Variants in OR2M3 observed in about 807,000 individuals in gnomAD.
OR2M3 encodes the protein olfactory receptor 2M3.
In OR2M3, 1 loss-of-function variant was observed where a neutral mutation model predicts 4.3. The observed-to-expected ratio is 0.23, with a 90% CI of 0.08 to 1.11. The LOEUF (loss-of-function observed/expected upper bound fraction) is 1.11, where lower values mean the gene tolerates loss of function less well. Ranked by LOEUF, OR2M3 falls within the 50% of genes most tolerant of loss-of-function variation. The pLI, the probability that OR2M3 is intolerant of heterozygous loss-of-function variation, is 0.54. For missense variants in OR2M3, 410 were observed against 390.4 expected (o/e 1.05, Z -0.42); for synonymous variants, 151 against 139.4 (o/e 1.08, Z -0.59).
intron 1 of OR2M3, among the ~76,000 whole-genome samples, chr1:248,201,735 G>T (rs1666160124): frequency 6.6e-6 from 1 of 151,970 alleles, no homozygotes; most frequent in African/African-American, 2.4e-5. Context: ...TGAGAATGAT[G>T]ATTTCCAATT....
In OR2M3 at chr1:248,208,411, A is replaced by G. The variant is rs781526474; in HGVS notation, c.*4405A>G. ...TGTTTTCATTATGTTATTGTTATAT[A>G]GGTCCTGTAATATTTATGCTTTAAG... On this transcript the variant is annotated 3_prime_UTR_variant, in exon 2 of 2. Transcript: ENST00000641626. 8 of 152,144 alleles carry G rather than the reference A, an allele frequency of 5.3e-5. No individual in the cohort carries two copies. The highest frequency in any genetic ancestry group is 1.2e-4 in the Non-Finnish European group (8 of 68,000). The allele number at this position is 152,144 out of a possible 1,614,324, so 9.4% of individuals were successfully genotyped here. A position where few individuals can be genotyped will look rare whatever the true frequency, so the allele number is the denominator to read the frequency against.
At chr1:248,202,071 C>CAGTAT (rs1666163900) in intron 1 of OR2M3, among the ~76,000 whole-genome samples, 1 of 152,092 alleles carries the variant, frequency 6.6e-6, no homozygotes, top group African/African-American at 2.4e-5. Flanking sequence ...AAACTGGTTA[C>CAGTAT]CTAAAACAAC....
At chr1:248,200,826 A>G (rs1666148242) in intron 1 of OR2M3, among the ~76,000 whole-genome samples, 1 of 152,122 alleles carries the variant, frequency 6.6e-6, no homozygotes, top group Non-Finnish European at 1.5e-5. Flanking sequence ...AAAAAGATAT[A>G]CTTTACTATC....
In OR2M3 at chr1:248,203,095, T is replaced by G. The variant is rs375769973; in HGVS notation, c.28T>G (p.Ser10Ala). 9.9e-6 allele frequency: 16 copies of G among 1,613,802 alleles called. No individual in the cohort carries two copies. The African/African-American group carries it at 1.7e-4, about 17-fold the overall frequency. The change falls in exon 2 of 2, where the codon TCC becomes GCC. Residue 10 changes from serine to alanine, a missense_variant. Coordinates refer to ENST00000641626, the MANE Select transcript of OR2M3 (RefSeq NM_001004689.2). MARENSTFN[S>A]DFILLGIFNH... ...GGCAAGGGAGAATTCGACCTTCAAC[T>G]CCGACTTCATCCTCCTGGGAATCTT...
At chr1:248,201,503 G>T (rs1666156330) in intron 1 of OR2M3, among the ~76,000 whole-genome samples, 1 of 151,780 alleles carries the variant, frequency 6.6e-6, no homozygotes, top group Non-Finnish European at 1.5e-5. Flanking sequence ...GTGCAGGTTA[G>T]TTACATATGT....
Position 248,203,598 on chromosome 1 carries a change from C to T in OR2M3, c.531C>T (p.Phe177=). The change falls in exon 2 of 2, where the codon TTC becomes TTT. Residue 177 remains phenylalanine, a synonymous_variant. Transcript: ENST00000641626. ...GTGGGTCTCGGGAAATAGCCCACTT[C>T]TTCTGTGACTTCCCCTCCCTACTAA... ...SYCGSREIAH[F]FCDFPSLLIL... The T allele has an allele frequency of 6.2e-7, 1 of 1,613,826 alleles. No homozygotes were observed. Among genetic ancestry groups the T allele is most frequent in the Non-Finnish European group, 8.5e-7 (1 of 1,179,822 alleles).
chr1:248,206,121 G>T lies in OR2M3; in HGVS notation c.*2115G>T, dbSNP rs548025498. The T allele has an allele frequency of 6.6e-6, 1 of 152,116 alleles. No homozygotes were observed. The highest frequency in any genetic ancestry group is 2.1e-4 in the South Asian group (1 of 4,822). The allele number at this position is 152,116 out of a possible 1,614,324, so 9.4% of individuals were successfully genotyped here. ...CTCAGCTGGTTGCCATTAGTATATA[G>T]CAGAGCTACTGATTTGTGTACATTA... On this transcript the variant is annotated 3_prime_UTR_variant, in exon 2 of 2. Coordinates refer to ENST00000641626, the MANE Select transcript of OR2M3 (RefSeq NM_001004689.2).
In OR2M3 at chr1:248,209,384, A is replaced by G. The variant is rs921150413; in HGVS notation, c.*5378A>G. 8 of 152,086 alleles carry G rather than the reference A, an allele frequency of 5.3e-5. No individual in the cohort carries two copies. The highest frequency in any genetic ancestry group is 1.9e-4 in the African/African-American group (8 of 41,378). The allele number at this position is 152,086 out of a possible 1,614,324, so 9.4% of individuals were successfully genotyped here. On this transcript the variant is annotated 3_prime_UTR_variant, in exon 2 of 2. Transcript: ENST00000641626. ...GTGTGATCTTTTGGGGGTATTACAG[A>G]ACCTTGTTTTATCATATTACAGAAT...
rs972665656 is a variant in OR2M3, at chr1:248,204,162, A to G, written c.*156A>G. ...TATAATTTATTTCAGATAAACTATT[A>G]TAACTATTTATTATTTTATATTCAT... On this transcript the variant is annotated 3_prime_UTR_variant, in exon 2 of 2. Coordinates refer to ENST00000641626, the MANE Select transcript of OR2M3 (RefSeq NM_001004689.2). 3 of 574,062 alleles carry G rather than the reference A, an allele frequency of 5.2e-6. No individual in the cohort carries two copies. Among genetic ancestry groups the G allele is most frequent in the Non-Finnish European group, 8.8e-6 (3 of 339,316 alleles). The allele number at this position is 574,062 out of a possible 1,614,324, so 35.6% of individuals were successfully genotyped here.
In OR2M3 at chr1:248,203,407, C is replaced by A. The variant is rs1159595046; in HGVS notation, c.340C>A (p.Leu114Ile). 14 of 1,613,978 alleles carry A rather than the reference C, an allele frequency of 8.7e-6. No individual in the cohort carries two copies. Among genetic ancestry groups the A allele is most frequent in the Middle Eastern group, 1.6e-4 (1 of 6,082 alleles). ...YTSLLGSECF[L>I]LAVMAYDRYT... ...ATCACTGCTTGGCTCTGAGTGCTTT[C>A]TTTTGGCTGTTATGGCTTATGACCG... The change falls in exon 2 of 2, where the codon CTT (leucine) becomes ATT (isoleucine). Residue 114 changes from leucine to isoleucine, a missense_variant. Leu to Ile is a conservative substitution (Grantham distance 5). Transcript: ENST00000641626.
intron 1 of OR2M3, among the ~76,000 whole-genome samples, chr1:248,200,113 T>G (rs2103013069): frequency 6.6e-6 from 1 of 152,224 alleles, no homozygotes; most frequent in South Asian, 2.1e-4. Context: ...AGGAACAAGC[T>G]AACTTGACAA....
intron 1 of OR2M3, 70 bp from the exon 2 acceptor site, chr1:248,202,980 C>A (rs999154351): frequency 5.1e-6 from 7 of 1,374,666 alleles, no homozygotes; most frequent in Middle Eastern, 1.9e-4. Flanking sequence ...CAGAAGTTAC[C>A]ACAATCACAT....
Position 248,206,619 on chromosome 1 carries a change from T to C in OR2M3, c.*2613T>C, listed in dbSNP as rs1302932919. On this transcript the variant is annotated 3_prime_UTR_variant, in exon 2 of 2. Coordinates refer to ENST00000641626, the MANE Select transcript of OR2M3 (RefSeq NM_001004689.2). ...GTGGTGTATCATATTTATTGACTTA[T>C]GTATCTTAAACCATCCCTACATCCC... is the stretch of plus-strand genomic sequence containing the variant. 2 of 152,080 alleles carry C rather than the reference T, an allele frequency of 1.3e-5. No homozygotes were observed. The highest frequency in any genetic ancestry group is 4.8e-5 in the African/African-American group (2 of 41,436). The allele number at this position is 152,080 out of a possible 1,614,324, so 9.4% of individuals were successfully genotyped here. A position where few individuals can be genotyped will look rare whatever the true frequency, so the allele number is the denominator to read the frequency against.
In OR2M3 at chr1:248,203,291, G is replaced by C. The variant is rs1666181343; in HGVS notation, c.224G>C (p.Cys75Ser). ...QLSLMDLMLI[C>S]TTVPKMAFNY... ...TCCCTCATGGACCTCATGCTCATCT[G>C]CACCACCGTACCCAAGATGGCCTTC... Residue 75 changes from cysteine (C) to serine (S), a missense_variant, in exon 2 of 2, where the codon TGC becomes TCC. Cys to Ser is a moderately radical substitution (Grantham distance 112). Transcript: ENST00000641626. The C allele has an allele frequency of 2.5e-6, 4 of 1,613,874 alleles. No homozygotes were observed. In the African/African-American group the frequency reaches 4.0e-5, roughly 16 times the overall value.
At position 248,203,595 on chromosome 1, in the gene OR2M3, C is replaced by T; in HGVS notation, c.528C>T (p.His176=). 2 of 1,613,774 alleles carry T rather than the reference C, an allele frequency of 1.2e-6. No individual in the cohort carries two copies. The highest frequency in any genetic ancestry group is 1.7e-6 in the Non-Finnish European group (2 of 1,179,806). Reference sequence around the variant, plus strand: ...ACTGTGGGTCTCGGGAAATAGCCCACTTCTTCTGTGACTTCCCCTCCCTAC... The same window carrying T: ...ACTGTGGGTCTCGGGAAATAGCCCATTTCTTCTGTGACTTCCCCTCCCTAC... ...FSYCGSREIA[H]FFCDFPSLLI... The change falls in exon 2 of 2, where the codon CAC becomes CAT. Residue 176 remains histidine (H), a synonymous_variant. Transcript: ENST00000641626.
rs547113825 is a variant in OR2M3 at position 248,212,831 on chromosome 1, C to T, written c.*8825C>T. 15 of 152,006 alleles carry T rather than the reference C, an allele frequency of 9.9e-5. No homozygotes were observed. In the South Asian group the frequency reaches 3.1e-3, roughly 32 times the overall value. The allele number at this position is 152,006 out of a possible 1,614,324, so 9.4% of individuals were successfully genotyped here. ...TGTTTTACAACATCCTATGTGAACT[C>T]ATTTCTCTTTTGAACTCACTGTTAC... On this transcript the variant is annotated 3_prime_UTR_variant, in exon 2 of 2. Transcript: ENST00000641626.
chr1:248,204,079 C>A lies in OR2M3; in HGVS notation c.*73C>A. 6.9e-7 allele frequency: 1 copy of A among 1,447,182 alleles called. No homozygotes were observed. Among genetic ancestry groups the A allele is most frequent in the Non-Finnish European group, 9.6e-7 (1 of 1,037,972 alleles). 89.6% of individuals were successfully genotyped at this position (1,447,182 alleles called of 1,614,324 possible). ...AAATGGTCCTATTTTTCCATTAAGC[C>A]TTGAAAATGGGATTCATTGTGTACA... On this transcript the variant is annotated 3_prime_UTR_variant, in exon 2 of 2. Coordinates refer to ENST00000641626, the MANE Select transcript of OR2M3 (RefSeq NM_001004689.2).
In OR2M3 at chr1:248,203,187, G is replaced by A. The variant is rs143468114; in HGVS notation, c.120G>A (p.Met40Ile). ...LVLAIFSVAF[M>I]GNSVMVLLIY... is the part of the protein sequence containing the mutation. ...TGGCCATCTTTTCAGTGGCCTTCAT[G>A]GGAAACTCTGTCATGGTTCTCCTCA... Residue 40 changes from methionine to isoleucine, a missense_variant, in exon 2 of 2, where the codon ATG (methionine) becomes ATA (isoleucine). Transcript: ENST00000641626. 3.8e-5 allele frequency: 62 copies of A among 1,613,944 alleles called. No homozygotes were observed. The African/African-American group carries it at 7.9e-4, about 20-fold the overall frequency.
chr1:248,203,908 C>G lies in OR2M3; in HGVS notation c.841C>G (p.Leu281Val). The G allele has an allele frequency of 6.2e-7, 1 of 1,613,888 alleles. No individual in the cohort carries two copies. The highest frequency in any genetic ancestry group is 1.7e-5 in the Admixed American group (1 of 59,982). Residue 281 changes from leucine (L) to valine (V), a missense_variant, in exon 2 of 2, where the codon CTC (leucine) becomes GTC (valine). By Grantham distance (32) the Leu-to-Val change is conservative. Coordinates refer to ENST00000641626, the MANE Select transcript of OR2M3 (RefSeq NM_001004689.2). ...DKMVSVFYTI[L>V]TPMLNPLIYS... ...GATGGTGTCTGTATTCTACACCATC[C>G]TCACTCCCATGTTGAATCCCCTCAT...
Sources: gnomAD v4.1 joint callset for allele counts (sites outside exome capture counted in the v4.1 genomes callset) on GRCh38, gnomAD v4.1.1 for gene constraint, MANE v1.5 for transcripts, NCBI Gene and HGNC (gene_info 2026-07-23, HGNC 2026-07-21) for gene names.